Variants in MX2 observed in about 807,000 individuals in gnomAD.
The protein encoded by MX2 is interferon-induced GTP-binding protein Mx2.
In MX2, 51 loss-of-function variants were observed where a neutral mutation model predicts 74.0. That is an observed-to-expected ratio of 0.69 (90% CI 0.55 to 0.87). The LOEUF (loss-of-function observed/expected upper bound fraction) is 0.87. Ranked by LOEUF, MX2 falls within the 40% of genes least tolerant of loss-of-function variation. MX2 has a pLI of 0.00. For missense variants in MX2, 832 were observed against 908.7 expected (o/e 0.92, Z 1.09); for synonymous variants, 369 against 339.3 (o/e 1.09, Z -0.96).
At chr21:41,394,651 C>T (rs907046626) in intron 6 of MX2, among the ~76,000 whole-genome samples, 7 of 152,140 alleles carry the variant, frequency 4.6e-5, no homozygotes, top group East Asian at 1.9e-4. Flanking sequence ...GACAAAATAG[C>T]GGAAGATAAG....
chr21:41,404,201 T>C (rs1460041300), intron 12 of MX2: 1 of 154,634 alleles, frequency 6.5e-6, no homozygotes, highest in African/African-American at 2.4e-5. Flanking sequence ...TTCACCTCTT[T>C]TGTGCTGCCC....
At chr21:41,404,007 CG>C (rs2089852124) in intron 12 of MX2, 1 of 203,656 alleles carries the variant, frequency 4.9e-6, no homozygotes, top group Non-Finnish European at 1.0e-5. Flanking sequence ...GTCTGAGTCC[CG>C]GGTGCCTGCT....
At chr21:41,377,234 A>G in intron 2 of MX2, 79 bp downstream of exon 2, 3 of 1,565,794 alleles carry the variant, frequency 1.9e-6, no homozygotes, top group Non-Finnish European at 2.6e-6. Flanking sequence ...GCCCACCACA[A>G]TAATAGAACC....
rs573895782 is a variant in MX2 at position 41,389,197 on chromosome 21, C to A, written c.733-1368C>A. ...TGATTAGTAAAGCAGAAAATAAAGT[C>A]AAAAAAAAAAAAACTTGTTCAGAAA... is the stretch of plus-strand genomic sequence containing the variant. On this transcript the variant is annotated intron_variant, in intron 5 of 13. Coordinates refer to ENST00000330714, the MANE Select transcript of MX2 (RefSeq NM_002463.2). Among the ~76,000 whole-genome samples, 521 of 141,140 alleles carry A rather than the reference C, an allele frequency of 3.7e-3. 5 individuals are homozygous for A. The highest frequency in any genetic ancestry group is 2.7e-3 in the Non-Finnish European group (170 of 63,864). The allele number at this position is 141,140 out of a possible 152,430, so 92.6% of individuals were successfully genotyped here.
chr21:41,403,999 C>T (rs1465533621), intron 12 of MX2: 1 of 215,030 alleles, frequency 4.7e-6, no homozygotes, highest in African/African-American at 2.4e-5. Flanking sequence ...GGGGCTGTGT[C>T]TGAGTCCCGG....
intron 5 of MX2, 77 bp from the exon 6 acceptor site, chr21:41,390,488 C>T: frequency 1.3e-6 from 2 of 1,577,698 alleles, no homozygotes; most frequent in Non-Finnish European, 8.7e-7. Context: ...CGCCATCATG[C>T]CTGCCTGCCT....
intron 1 of MX2, among the ~76,000 whole-genome samples, chr21:41,362,305 G>C (rs2089217956): frequency 6.6e-6 from 1 of 152,040 alleles, no homozygotes; most frequent in Admixed American, 6.6e-5. Flanking sequence ...GGACAGGGTG[G>C]CCTCCATCCT....
chr21:41,369,264 G>A (rs1363528859), intron 1 of MX2, among the ~76,000 whole-genome samples: 1 of 152,196 alleles, frequency 6.6e-6, no homozygotes, highest in African/African-American at 2.4e-5. Flanking sequence ...CTGAGCGGCG[G>A]CGGGGCCATT....
At chr21:41,395,860 T>C in intron 7 of MX2, 75 bp downstream of exon 7, 3 of 1,456,090 alleles carry the variant, frequency 2.1e-6, no homozygotes, top group East Asian at 2.3e-5. Context: ...GCCCAGATCA[T>C]GACCAAAGTG....
intron 7 of MX2, among the ~76,000 whole-genome samples, chr21:41,397,039 G>A (rs1278428917): frequency 6.6e-6 from 1 of 152,166 alleles, no homozygotes; most frequent in African/African-American, 2.4e-5. Context: ...TGCTTGCTGG[G>A]AGCCGTCCCT....
In MX2 at chr21:41,377,144, C is replaced by T; in HGVS notation, c.238C>T (p.Pro80Ser). The T allele has an allele frequency of 9.9e-6, 16 of 1,614,168 alleles. No homozygotes were observed. The highest frequency in any genetic ancestry group is 1.4e-5 in the Non-Finnish European group (16 of 1,180,026). The change falls in exon 2 of 14, where the codon CCA becomes TCA. Residue 80 changes from proline (P) to serine (S), a missense_variant. Coordinates refer to ENST00000330714, the MANE Select transcript of MX2 (RefSeq NM_002463.2). ...GCCACCACCAGGAAACAGGAGCCAA[C>T]CAAGGGCAATGGTAAGCCCGGTGGA... is the stretch of plus-strand genomic sequence containing the variant. ...NQPPPGNRSQ[P>S]RAMGPENNLY...
At chr21:41,397,389 A>T (rs1392142332) in intron 7 of MX2, among the ~76,000 whole-genome samples, 1 of 152,178 alleles carries the variant, frequency 6.6e-6, no homozygotes, top group African/African-American at 2.4e-5. Flanking sequence ...GACCTACCTC[A>T]TGAGTTTGTG....
chr21:41,405,264 G>GA (rs796653059), intron 12 of MX2, among the ~76,000 whole-genome samples: 1,642 of 129,914 alleles, frequency 0.013, 26 homozygotes, highest in African/African-American at 0.042. Context: ...ATCTCAAAAA[G>GA]AAAAAAAAAA....
At position 41,390,189 on chromosome 21, in the gene MX2, C is replaced by T. The variant is rs532381280; in HGVS notation, c.733-376C>T. On this transcript the variant is annotated intron_variant, in intron 5 of 13. Coordinates refer to ENST00000330714, the MANE Select transcript of MX2 (RefSeq NM_002463.2). ...GGACAGAGAAGATGTCACCGCTGGC[C>T]GCAAAGGCATCTCTGGACTTCTGAG... 305 of 222,962 alleles carry T rather than the reference C, an allele frequency of 1.4e-3. 1 individual carries two copies. The highest frequency in any genetic ancestry group is 6.4e-3 in the African/African-American group (288 of 45,238). The allele number at this position is 222,962 out of a possible 1,614,324, so 13.8% of individuals were successfully genotyped here.
intron 2 of MX2, 132 bp downstream of exon 2, chr21:41,377,287 C>T: frequency 7.7e-7 from 1 of 1,291,374 alleles, no homozygotes. Flanking sequence ...TCCAGCTCTC[C>T]TGGTCATGCC....
rs1334140324 is a variant in MX2 at position 41,408,366 on chromosome 21, C to T, written c.*133C>T. The T allele has an allele frequency of 8.0e-7, 1 of 1,244,210 alleles. No homozygotes were observed. The highest frequency in any genetic ancestry group is 1.5e-5 in the African/African-American group (1 of 66,212). The allele number at this position is 1,244,210 out of a possible 1,614,324, so 77.1% of individuals were successfully genotyped here. ...AGTGTCCATCTCTACTGTACTCCCT[C>T]AGCATCAGAGCATGCATCAGGGGTC... On this transcript the variant is annotated 3_prime_UTR_variant, in exon 14 of 14. Transcript: ENST00000330714.
chr21:41,403,201 G>A (rs2089836484), intron 11 of MX2, 66 bp from the exon 12 acceptor site: 7 of 1,345,008 alleles, frequency 5.2e-6, no homozygotes, highest in Non-Finnish European at 7.4e-6. Flanking sequence ...TCTTTAACCA[G>A]TTTTATTTCT....
rs569900925 is a variant in MX2 at position 41,399,438 on chromosome 21, A to T, written c.1414+101A>T. ...AGTGTGCCAAGAGTGGAACACGTCC[A>T]TCCAAGACCGTGGAACCCTTGGTAA... On this transcript the variant is annotated intron_variant, in intron 10 of 13. Transcript: ENST00000330714. 32 of 1,258,616 alleles carry T rather than the reference A, an allele frequency of 2.5e-5. No individual in the cohort carries two copies. The South Asian group carries it at 4.7e-4, about 19-fold the overall frequency. 78.0% of individuals were successfully genotyped at this position (1,258,616 alleles called of 1,614,324 possible).
chr21:41,378,854 G>C (rs1436501130), intron 3 of MX2, among the ~76,000 whole-genome samples: 8 of 152,166 alleles, frequency 5.3e-5, no homozygotes, highest in Admixed American at 3.3e-4. Flanking sequence ...CGGCAGCAGA[G>C]AGCGCCCAGC....
Sources: gnomAD v4.1 joint callset for allele counts (sites outside exome capture counted in the v4.1 genomes callset) on GRCh38, gnomAD v4.1.1 for gene constraint, MANE v1.5 for transcripts, NCBI Gene and HGNC (gene_info 2026-07-23, HGNC 2026-07-21) for gene names.